PCDH7: variants seen among roughly 807,000 people sequenced by gnomAD.
PCDH7 encodes protocadherin 7.
In PCDH7, 17 loss-of-function variants were observed where a neutral mutation model predicts 58.9. The ratio of observed to expected loss-of-function variants is 0.29; its 90% CI spans 0.20 to 0.43. PCDH7 has a LOEUF of 0.43. Among genes scored for constraint, PCDH7 ranks in the 20% least tolerant of loss-of-function variants. PCDH7 has a pLI of 1.00. For missense variants in PCDH7, 1,274 were observed against 1,441.0 expected, an observed-to-expected ratio of 0.88 and a Z score of 1.88; for synonymous variants, 664 against 616.4, an observed-to-expected ratio of 1.08 and a Z score of -1.14.
chr4:30,825,666 G>A (rs1006631697), intron 1 of PCDH7, among the ~76,000 whole-genome samples: 2 of 152,082 alleles, frequency 1.3e-5, no homozygotes, highest in African/African-American at 4.8e-5. Context: ...GCAATGACAA[G>A]GAATGGGTCA....
At chr4:31,023,571 A>C (rs1208463088) in intron 3 of PCDH7, among the ~76,000 whole-genome samples, 1 of 152,204 alleles carries the variant, frequency 6.6e-6, no homozygotes, top group Non-Finnish European at 1.5e-5. Flanking sequence ...TAAGCAAAAT[A>C]ATATGTGTGT....
chr4:30,822,916 C>T (rs557183080), intron 1 of PCDH7, among the ~76,000 whole-genome samples: 2 of 152,172 alleles, frequency 1.3e-5, no homozygotes, highest in South Asian at 4.1e-4. Context: ...TCCTTTTCTT[C>T]ATTTGCAGCG....
intron 1 of PCDH7, among the ~76,000 whole-genome samples, chr4:30,743,811 T>TA (rs1242858688): frequency 5.9e-5 from 9 of 151,918 alleles, no homozygotes; most frequent in Admixed American, 1.3e-4. Flanking sequence ...CTTTGCAAAC[T>TA]AAAAAAAATC....
At chr4:31,109,521 A>C (rs1293666766) in intron 3 of PCDH7, among the ~76,000 whole-genome samples, 3 of 152,184 alleles carry the variant, frequency 2.0e-5, no homozygotes, top group Admixed American at 1.3e-4. Flanking sequence ...CAAAGGTAAA[A>C]TTACTGTAAT....
At chr4:31,088,335 C>G (rs1240864765) in intron 3 of PCDH7, among the ~76,000 whole-genome samples, 2 of 151,970 alleles carry the variant, frequency 1.3e-5, no homozygotes, top group African/African-American at 2.4e-5. Flanking sequence ...TCCTGTTATC[C>G]TGTTAATACT....
At chr4:30,736,782 C>T (rs1419837251), downstream of PCDH7, among the ~76,000 whole-genome samples, 3 of 151,948 alleles carry the variant, frequency 2.0e-5, no homozygotes, top group African/African-American at 7.3e-5. Context: ...GTGATCCGCC[C>T]GCCTCGGCCT....
intron 3 of PCDH7, among the ~76,000 whole-genome samples, chr4:31,093,018 C>A (rs910946490): frequency 6.6e-6 from 1 of 152,060 alleles, no homozygotes; most frequent in Non-Finnish European, 1.5e-5. Flanking sequence ...GGCTGTCCCA[C>A]TTCTGTATTA....
In PCDH7 at chr4:30,904,372, A is replaced by T. The variant is rs1740636226; in HGVS notation, c.71-15781A>T. Among the ~76,000 whole-genome samples the T allele has an allele frequency of 2.6e-5, 4 of 152,156 alleles. No individual in the cohort carries two copies. In the South Asian group the frequency reaches 8.3e-4, roughly 32 times the overall value. On this transcript the variant is annotated intron_variant, in intron 1 of 3. Transcript: ENST00000509759. The stretch of plus-strand genomic sequence containing the variant: ...ACTCCCTCCCTCTTCAAAACTACCC[A>T]TGGTGAATAGAATCCTCACAGTGCA...
intron 3 of PCDH7, among the ~76,000 whole-genome samples, chr4:31,124,996 A>G (rs1191518250): frequency 1.3e-5 from 2 of 152,214 alleles, no homozygotes; most frequent in African/African-American, 4.8e-5. Flanking sequence ...TGAAATGACA[A>G]TAATCCAAAA....
At chr4:31,039,592 C>G (rs1242247799) in intron 3 of PCDH7, among the ~76,000 whole-genome samples, 1 of 152,136 alleles carries the variant, frequency 6.6e-6, no homozygotes, top group Non-Finnish European at 1.5e-5. Context: ...TGCCTCTTCT[C>G]TACAGTGCCC....
chr4:30,809,647 G>A (rs1187045094), intron 1 of PCDH7, among the ~76,000 whole-genome samples: 1 of 152,180 alleles, frequency 6.6e-6, no homozygotes, highest in African/African-American at 2.4e-5. Context: ...ACAATTTGTA[G>A]ACTTGCTCCA....
intron 2 of PCDH7, among the ~76,000 whole-genome samples, chr4:30,934,784 A>G (rs193244498): frequency 4.1e-4 from 63 of 152,244 alleles, no homozygotes; most frequent in African/African-American, 1.4e-3. Flanking sequence ...CTTAAATATA[A>G]CAATTCTACT....
At chr4:30,759,203 A>G (rs974949024) in intron 1 of PCDH7, among the ~76,000 whole-genome samples, 15 of 152,054 alleles carry the variant, frequency 9.9e-5, no homozygotes, top group Non-Finnish European at 1.5e-5. Flanking sequence ...TGGCCTCCCA[A>G]AGTGCTGGGA....
At chr4:30,927,910 A>T (rs1025719617) in intron 2 of PCDH7, among the ~76,000 whole-genome samples, 12 of 152,234 alleles carry the variant, frequency 7.9e-5, no homozygotes, top group Non-Finnish European at 1.5e-4. Context: ...ACTCTTAAGC[A>T]TCTTCTATTT....
At chr4:30,800,598 A>T (rs1458492474) in intron 1 of PCDH7, among the ~76,000 whole-genome samples, 1 of 152,188 alleles carries the variant, frequency 6.6e-6, no homozygotes, top group Admixed American at 6.5e-5. Context: ...AGACAGGAAA[A>T]GTGAGGATAT....
intron 1 of PCDH7, among the ~76,000 whole-genome samples, chr4:30,781,140 A>G (rs1475201272): frequency 1.3e-5 from 2 of 152,020 alleles, no homozygotes; most frequent in Admixed American, 1.3e-4. Flanking sequence ...ATTCTTTCTA[A>G]TGAATCCTGG....
At chr4:30,780,563 T>G (rs897630225) in intron 1 of PCDH7, among the ~76,000 whole-genome samples, 3 of 150,204 alleles carry the variant, frequency 2.0e-5, no homozygotes, top group Non-Finnish European at 4.4e-5. Flanking sequence ...ATAAAAACAA[T>G]AAAATAAAAG....
Position 30,722,140 on chromosome 4 carries a change from C to G in PCDH7, c.718C>G (p.Arg240Gly), listed in dbSNP as rs778761077. 6.8e-7 allele frequency: 1 copy of G among 1,464,744 alleles called. No homozygotes were observed. Among genetic ancestry groups the G allele is most frequent in the South Asian group, 1.4e-5 (1 of 72,730 alleles). 90.7% of individuals were successfully genotyped at this position (1,464,744 alleles called of 1,614,324 possible). A position where few individuals can be genotyped will look rare whatever the true frequency, so the allele number is the denominator to read the frequency against. ...CGGCGGCGGCACCAACCCCGGCGGC[C>G]GCAGCAGCGTGTTCGAGCTGCAGGT... The change falls in exon 1 of 2, where the codon CGC becomes GGC. Residue 240 changes from arginine (R) to glycine (G), a missense_variant. Arg to Gly is a moderately radical substitution (Grantham distance 125). This residue lies in a region of PCDH7 where 331 missense variants were observed against 303.2 expected (regional missense o/e 1.09). Transcript: ENST00000361762. This position sits in a 1 kb window ranked among gnomAD's most constrained non-coding sequence, Gnocchi z 7.6.
At chr4:30,878,658 G>A (rs966775200) in intron 1 of PCDH7, among the ~76,000 whole-genome samples, 1 of 151,986 alleles carries the variant, frequency 6.6e-6, no homozygotes, top group African/African-American at 2.4e-5. Context: ...AGACCAGCCT[G>A]GTCAACACGG....
Sources: gnomAD v4.1 joint callset for allele counts (sites outside exome capture counted in the v4.1 genomes callset) on GRCh38, gnomAD v4.1.1 for gene constraint, gnomAD v4.1.1 regional missense constraint, Gnocchi (gnomAD v3.1) non-coding constraint, MANE v1.5 for transcripts, NCBI Gene and HGNC (gene_info 2026-07-23, HGNC 2026-07-21) for gene names.